ANKS1A: variants seen among roughly 807,000 people sequenced by gnomAD.
ANKS1A encodes ankyrin repeat and sterile alpha motif domain containing 1A.
Under a neutral mutation model 120.3 loss-of-function variants are expected in ANKS1A, and 55 were observed. The observed-to-expected ratio is 0.46, with a 90% CI of 0.37 to 0.57. The LOEUF (loss-of-function observed/expected upper bound fraction) is 0.57, where lower values mean the gene tolerates loss of function less well. Among genes scored for constraint, ANKS1A ranks in the 20% least tolerant of loss-of-function variants. The pLI is 0.00. For missense variants in ANKS1A, 1,123 were observed against 1,480.3 expected (o/e 0.76, Z 3.96); for synonymous variants, 590 against 604.7 (o/e 0.98, Z 0.36).
At chr6:34,990,983 A>G (rs557502047) in intron 9 of ANKS1A, among the ~76,000 whole-genome samples, 1 of 152,306 alleles carries the variant, frequency 6.6e-6, no homozygotes, top group African/African-American at 2.4e-5. Context: ...GTCTTCTTCA[A>G]AGTGTACTAT....
chr6:34,991,025 C>T (rs546243465), intron 9 of ANKS1A, among the ~76,000 whole-genome samples: 20 of 152,124 alleles, frequency 1.3e-4, no homozygotes, highest in African/African-American at 3.9e-4. Flanking sequence ...GTTGTCTTTC[C>T]CTGTCTTTCC....
chr6:34,934,024 C>T (rs1033095126), intron 1 of ANKS1A, among the ~76,000 whole-genome samples: 2 of 152,080 alleles, frequency 1.3e-5, no homozygotes, highest in African/African-American at 4.8e-5. Context: ...TAACTGTGTA[C>T]GTTGGAGAAT....
At chr6:35,039,801 T>C in intron 11 of ANKS1A, 10 of 311,672 alleles carry the variant, frequency 3.2e-5, no homozygotes, top group South Asian at 2.7e-4. Context: ...ATTAGGAAGC[T>C]CAGGCTTCTG....
intron 9 of ANKS1A, among the ~76,000 whole-genome samples, chr6:34,990,775 G>C (rs1273151013): frequency 2.6e-5 from 4 of 152,182 alleles, no homozygotes; most frequent in Non-Finnish European, 4.4e-5. Flanking sequence ...GAGAGTTTGA[G>C]ATACATTTTC....
At chr6:34,971,922 T>C (rs2127513905) in intron 3 of ANKS1A, among the ~76,000 whole-genome samples, 1 of 152,342 alleles carries the variant, frequency 6.6e-6, no homozygotes, top group South Asian at 2.1e-4. Context: ...GTTTATAACA[T>C]TTGGGAATGA....
Position 34,970,185 on chromosome 6 carries a change from T to C in ANKS1A, c.435+19T>C. On this transcript the variant is annotated intron_variant, in intron 3 of 23. Transcript: ENST00000360359. The stretch of plus-strand genomic sequence containing the variant: ...TGAACAGGTCGGAAGGAAGGGAGGC[T>C]TTCCTTCCTCCATTCAGCTATAGCC... 6.2e-7 allele frequency: 1 copy of C among 1,603,768 alleles called. No individual in the cohort carries two copies. Among genetic ancestry groups the C allele is most frequent in the Non-Finnish European group, 8.5e-7 (1 of 1,174,782 alleles).
chr6:35,064,528 C>T (rs1209547101), intron 13 of ANKS1A, among the ~76,000 whole-genome samples: 2 of 152,192 alleles, frequency 1.3e-5, no homozygotes, highest in Non-Finnish European at 2.9e-5. Context: ...CCAAGAGGTT[C>T]TTCTACTGGC....
chr6:35,001,160 TA>T (rs1307811079), intron 10 of ANKS1A, among the ~76,000 whole-genome samples: 1 of 152,238 alleles, frequency 6.6e-6, no homozygotes, highest in East Asian at 1.9e-4. Context: ...TTATCTGGTA[TA>T]AAAATCATAT....
chr6:35,041,009 A>G (rs1309457867), intron 11 of ANKS1A, among the ~76,000 whole-genome samples: 1 of 152,244 alleles, frequency 6.6e-6, no homozygotes, highest in African/African-American at 2.4e-5. Flanking sequence ...CCCTTTTAAG[A>G]TTTTATTGCA....
At chr6:34,918,779 C>T (rs559818104) in intron 1 of ANKS1A, among the ~76,000 whole-genome samples, 1 of 152,146 alleles carries the variant, frequency 6.6e-6, no homozygotes, top group Non-Finnish European at 1.5e-5. Context: ...TAACGGAACA[C>T]CATGTAACTA....
Position 34,981,942 on chromosome 6 carries a change from G to A in ANKS1A, c.688G>A (p.Val230Met), listed in dbSNP as rs267600991. Residue 230 changes from valine (V) to methionine (M), a missense_variant, in exon 4 of 24, where the codon GTG becomes ATG. Around this residue, in one of 3 missense-constraint regions of ANKS1A, gnomAD observed 146 missense variants for 267.8 expected, o/e 0.55. Coordinates refer to ENST00000360359, the MANE Select transcript of ANKS1A (RefSeq NM_015245.3). The part of the protein sequence containing the change: ...HLAARNGHKA[V>M]VQVLLDAGMD... Reference sequence around the variant, plus strand: ...GGCAGCAAGGAATGGCCACAAAGCCGTGGTCCAGGTCCTCCTCGATGCTGG... The same window carrying A: ...GGCAGCAAGGAATGGCCACAAAGCCATGGTCCAGGTCCTCCTCGATGCTGG... The A allele has an allele frequency of 2.5e-6, 4 of 1,614,190 alleles. No individual in the cohort carries two copies. Among genetic ancestry groups the A allele is most frequent in the Non-Finnish European group, 3.4e-6 (4 of 1,180,042 alleles).
Position 35,084,393 on chromosome 6 carries a change from A to G in ANKS1A, c.3132+135A>G. The G allele has an allele frequency of 7.9e-7, 1 of 1,262,972 alleles. No homozygotes were observed. The highest frequency in any genetic ancestry group is 1.1e-6 in the Non-Finnish European group (1 of 938,210). The allele number at this position is 1,262,972 out of a possible 1,614,324, so 78.2% of individuals were successfully genotyped here. ...TGGCAAATGTTTGGTTCATGAATGGAGCCCAGCAGCACTCAGGCCGGTCCC... is the reference window on the plus strand; with the variant it reads ...TGGCAAATGTTTGGTTCATGAATGGGGCCCAGCAGCACTCAGGCCGGTCCC... On this transcript the variant is annotated intron_variant, in intron 21 of 23. Coordinates refer to ENST00000360359, the MANE Select transcript of ANKS1A (RefSeq NM_015245.3). This position sits in a 1 kb window ranked among gnomAD's most constrained non-coding sequence, Gnocchi z 4.8.
chr6:35,016,294 A>T (rs187035030), intron 10 of ANKS1A, among the ~76,000 whole-genome samples: 1 of 152,288 alleles, frequency 6.6e-6, no homozygotes, highest in Admixed American at 6.5e-5. Context: ...TGGTTCTAAG[A>T]TTCTCTGAGC....
At chr6:34,995,699 T>C (rs1483344086) in intron 10 of ANKS1A, among the ~76,000 whole-genome samples, 8 of 152,242 alleles carry the variant, frequency 5.3e-5, no homozygotes, top group Non-Finnish European at 1.2e-4. Flanking sequence ...TTCACTTCGC[T>C]AATACATTTG....
intron 1 of ANKS1A, among the ~76,000 whole-genome samples, chr6:34,905,288 C>T (rs1273499428): frequency 6.6e-6 from 1 of 152,240 alleles, no homozygotes. Flanking sequence ...TGTGCATTGA[C>T]TTTTGTCCTC....
intron 7 of ANKS1A, among the ~76,000 whole-genome samples, chr6:34,984,205 C>T (rs886442247): frequency 2.0e-5 from 3 of 152,134 alleles, no homozygotes; most frequent in African/African-American, 4.8e-5. Context: ...TCTAGCCTAA[C>T]AGTAGTCAGG....
intron 1 of ANKS1A, among the ~76,000 whole-genome samples, chr6:34,929,433 C>T (rs1392235186): frequency 6.6e-6 from 1 of 152,190 alleles, no homozygotes; most frequent in Non-Finnish European, 1.5e-5. Flanking sequence ...ATCATATTTG[C>T]AGATATGCTA....
At chr6:35,011,411 G>C (rs987169970) in intron 10 of ANKS1A, among the ~76,000 whole-genome samples, 2 of 152,192 alleles carry the variant, frequency 1.3e-5, no homozygotes, top group African/African-American at 4.8e-5. Flanking sequence ...CTGGTATATT[G>C]AAAACTAGGG....
rs1020300592 is a variant in ANKS1A at position 35,057,562 on chromosome 6, T to C, written c.2078-2585T>C. On this transcript the variant is annotated intron_variant, in intron 12 of 23. Transcript: ENST00000360359. This position sits in a 1 kb window ranked among gnomAD's most constrained non-coding sequence, Gnocchi z 4.1. ...TAGAAGCCCTGGACTTCTGTCCCTG[T>C]ACCTGTTTTATCTTTTTGGCCTGTC... 6.6e-6 allele frequency among the ~76,000 whole-genome samples: 1 copy of C among 152,196 alleles called. No homozygotes were observed. The highest frequency in any genetic ancestry group is 1.5e-5 in the Non-Finnish European group (1 of 68,026).
Sources: gnomAD v4.1 joint callset for allele counts (sites outside exome capture counted in the v4.1 genomes callset) on GRCh38, gnomAD v4.1.1 for gene constraint, gnomAD v4.1.1 regional missense constraint, Gnocchi (gnomAD v3.1) non-coding constraint, MANE v1.5 for transcripts, NCBI Gene and HGNC (gene_info 2026-07-23, HGNC 2026-07-21) for gene names.